The following GRID1 variants were observed in gnomAD, a reference collection of about 807,000 sequenced individuals.
GRID1 encodes the protein glutamate ionotropic receptor delta type subunit 1.
GRID1 carries 28 observed loss-of-function variants against 98.0 expected under a neutral mutation model. That is an observed-to-expected ratio of 0.29 (90% CI 0.21 to 0.39). The LOEUF (loss-of-function observed/expected upper bound fraction) is 0.39, where lower values mean the gene tolerates loss of function less well. GRID1 is among the 10% of genes least tolerant of loss of function. GRID1 has a pLI of 1.00. For missense variants in GRID1, 1,111 were observed against 1,340.5 expected (o/e 0.83, Z 2.67); for synonymous variants, 553 against 538.5 (o/e 1.03, Z -0.37).
At chr10:86,044,443 T>A (rs1266685292) in intron 4 of GRID1, among the ~76,000 whole-genome samples, 1 of 152,176 alleles carries the variant, frequency 6.6e-6, no homozygotes, top group East Asian at 1.9e-4. Flanking sequence ...ACTGGGACAT[T>A]GCTGATCAAC....
chr10:85,771,338 G>T (rs1425302324), intron 8 of GRID1, among the ~76,000 whole-genome samples: 2 of 152,150 alleles, frequency 1.3e-5, no homozygotes, highest in Admixed American at 1.3e-4. Flanking sequence ...AACATGGAAA[G>T]GAACAACCGG....
intron 4 of GRID1, among the ~76,000 whole-genome samples, chr10:85,977,370 G>A (rs1458653092): frequency 6.6e-6 from 1 of 152,166 alleles, no homozygotes; most frequent in Non-Finnish European, 1.5e-5. Context: ...GAGCCCATGA[G>A]GAGAGATGAG....
At chr10:85,836,914 A>G (rs1474465460) in intron 8 of GRID1, among the ~76,000 whole-genome samples, 7 of 152,032 alleles carry the variant, frequency 4.6e-5, no homozygotes, top group Non-Finnish European at 1.0e-4. Context: ...ACAGGTGGAG[A>G]GCTCCAATGA....
At chr10:86,291,234 A>G (rs1847508064) in intron 2 of GRID1, among the ~76,000 whole-genome samples, 1 of 152,172 alleles carries the variant, frequency 6.6e-6, no homozygotes, top group African/African-American at 2.4e-5. Context: ...CGGTGCACAG[A>G]GCACACAACA....
chr10:85,934,552 A>T (rs1032918140), intron 4 of GRID1, among the ~76,000 whole-genome samples: 1 of 152,182 alleles, frequency 6.6e-6, no homozygotes, highest in Non-Finnish European at 1.5e-5. Flanking sequence ...CTAGATTCAC[A>T]TTTAGTGCTC....
At chr10:85,675,958 G>A (rs545195705) in intron 12 of GRID1, among the ~76,000 whole-genome samples, 1 of 152,294 alleles carries the variant, frequency 6.6e-6, no homozygotes, top group South Asian at 2.1e-4. Context: ...AGGCCCTGGG[G>A]TCAGAATCCC....
At chr10:85,854,125 C>T (rs909877194) in intron 8 of GRID1, among the ~76,000 whole-genome samples, 12 of 152,154 alleles carry the variant, frequency 7.9e-5, no homozygotes, top group African/African-American at 2.9e-4. Context: ...GTAACCTCTG[C>T]CTCCTGCCTC....
intron 8 of GRID1, among the ~76,000 whole-genome samples, chr10:85,738,940 T>C (rs1233301273): frequency 6.6e-6 from 1 of 152,184 alleles, no homozygotes. Context: ...CATTACCATA[T>C]ACATTTGTCA....
chr10:86,261,289 C>T (rs1366917925), intron 2 of GRID1, among the ~76,000 whole-genome samples: 1 of 152,258 alleles, frequency 6.6e-6, no homozygotes, highest in Non-Finnish European at 1.5e-5. Context: ...GCCTGCAGGA[C>T]CCCTGGGGGA....
rs149669560 is a variant in GRID1, at chr10:86,248,674, G to A, written c.236-42026C>T. On this transcript the variant is annotated intron_variant, in intron 2 of 15. Coordinates refer to ENST00000327946, the MANE Select transcript of GRID1 (RefSeq NM_017551.3). Reference sequence around the variant, plus strand: ...TGCAACCTCCACCACCTGGGCTCAAGCGATCCTCCTACTTCAGCCTCCTGA... The same window carrying A: ...TGCAACCTCCACCACCTGGGCTCAAACGATCCTCCTACTTCAGCCTCCTGA... Among the ~76,000 whole-genome samples the A allele has an allele frequency of 7.9e-3, 1,172 of 149,024 alleles. 16 individuals carry two copies. The highest frequency in any genetic ancestry group is 0.028 in the African/African-American group (1,112 of 40,278).
intron 8 of GRID1, among the ~76,000 whole-genome samples, chr10:85,831,531 C>A (rs1817149988): frequency 6.6e-6 from 1 of 151,998 alleles, no homozygotes; most frequent in Non-Finnish European, 1.5e-5. Flanking sequence ...TTTTCAAGGG[C>A]ACATGAAATA....
intron 12 of GRID1, among the ~76,000 whole-genome samples, chr10:85,707,323 C>T (rs1841532118): frequency 6.6e-6 from 1 of 152,162 alleles, no homozygotes; most frequent in African/African-American, 2.4e-5. Context: ...ACAGACACTT[C>T]TCAAAAGAAG....
intron 4 of GRID1, among the ~76,000 whole-genome samples, chr10:85,990,773 T>C (rs552461241): frequency 6.6e-6 from 1 of 152,310 alleles, no homozygotes; most frequent in African/African-American, 2.4e-5. Flanking sequence ...TGGAACACCT[T>C]TGAGAAGTCT....
At chr10:85,632,099 A>T (rs1026048950) in intron 13 of GRID1, among the ~76,000 whole-genome samples, 1 of 152,136 alleles carries the variant, frequency 6.6e-6, no homozygotes, top group Non-Finnish European at 1.5e-5. Flanking sequence ...AAATATGTGT[A>T]AAGTGATTGA....
intron 2 of GRID1, among the ~76,000 whole-genome samples, chr10:86,291,160 C>A (rs1364170741): frequency 4.6e-5 from 7 of 152,196 alleles, no homozygotes. Context: ...AGGGACAAAG[C>A]AGAGAAGGGG....
chr10:86,157,812 G>A (rs1246068150), intron 3 of GRID1, among the ~76,000 whole-genome samples: 1 of 152,214 alleles, frequency 6.6e-6, no homozygotes, highest in Non-Finnish European at 1.5e-5. Context: ...CCAAGAGTCA[G>A]TGAAGGTGTT....
At chr10:85,729,751 C>T (rs1841802858) in intron 8 of GRID1, 137 bp from the exon 9 acceptor site, 2 of 579,120 alleles carry the variant, frequency 3.5e-6, no homozygotes, top group Non-Finnish European at 6.2e-6. Flanking sequence ...AGACCCAGAG[C>T]CATTTTAAAA....
intron 2 of GRID1, among the ~76,000 whole-genome samples, chr10:86,340,438 G>C (rs1050488601): frequency 1.1e-4 from 16 of 152,200 alleles, no homozygotes. Flanking sequence ...CTGCCACCCA[G>C]AGGGCAGGAT....
intron 2 of GRID1, among the ~76,000 whole-genome samples, chr10:86,346,650 G>C (rs1848387577): frequency 6.6e-6 from 1 of 152,204 alleles, no homozygotes; most frequent in Admixed American, 6.5e-5. Context: ...TTGCTGATAA[G>C]GCAGCCACCT....
Sources: allele counts gnomAD v4.1 joint callset (sites outside exome capture counted in the v4.1 genomes callset), GRCh38; gene constraint gnomAD v4.1.1; transcripts MANE v1.5; gene names NCBI Gene and HGNC (gene_info 2026-07-23, HGNC 2026-07-21).